Variants in TMEM117 observed in about 807,000 individuals in gnomAD.
The protein encoded by TMEM117 is transmembrane protein 117.
In TMEM117, 27 loss-of-function variants were observed where a neutral mutation model predicts 52.4. The observed-to-expected ratio is 0.51, with a 90% confidence interval of 0.38 to 0.71. TMEM117 has a LOEUF of 0.71. Among genes scored for constraint, TMEM117 ranks in the 30% least tolerant of loss-of-function variants. TMEM117 has a pLI of 0.00. For missense variants in TMEM117, 556 were observed against 630.5 expected (o/e 0.88, Z 1.26); for synonymous variants, 215 against 206.3 (o/e 1.04, Z -0.36).
intron 3 of TMEM117, among the ~76,000 whole-genome samples, chr12:44,087,016 A>C (rs1014303259): frequency 1.4e-5 from 2 of 147,852 alleles, no homozygotes; most frequent in Non-Finnish European, 3.0e-5. Context: ...GTATTATATA[A>C]TTAATAATTA....
At chr12:44,117,056 T>C (rs1387406540) in intron 3 of TMEM117, among the ~76,000 whole-genome samples, 1 of 152,226 alleles carries the variant, frequency 6.6e-6, no homozygotes, top group African/African-American at 2.4e-5. Flanking sequence ...CTCTCCCTTG[T>C]ACTTGGCTCT....
At chr12:44,081,918 A>T (rs1592500327) in intron 3 of TMEM117, among the ~76,000 whole-genome samples, 1 of 152,062 alleles carries the variant, frequency 6.6e-6, no homozygotes, top group East Asian at 1.9e-4. Flanking sequence ...AGAGAGTTTA[A>T]CTGTATAAAT....
At chr12:43,926,418 A>T (rs992326396) in intron 2 of TMEM117, among the ~76,000 whole-genome samples, 2 of 152,204 alleles carry the variant, frequency 1.3e-5, no homozygotes, top group African/African-American at 4.8e-5. Context: ...AAACATTTTC[A>T]TAAGCTAGGG....
At chr12:43,917,858 C>T (rs990162928) in intron 2 of TMEM117, among the ~76,000 whole-genome samples, 4 of 152,226 alleles carry the variant, frequency 2.6e-5, no homozygotes, top group Admixed American at 2.0e-4. Flanking sequence ...CCCTCTTGCA[C>T]AGACTTGGGT....
the TMEM117 span, chr12:43,799,635 C>T: frequency 7.8e-6 from 4 of 512,326 alleles, no homozygotes; most frequent in African/African-American, 5.9e-5. Context: ...ATTTTAATAT[C>T]TTTTTACTTT....
rs557252020 is a variant in TMEM117, at chr12:44,323,766, T to A, written c.768+24027T>A. Among the ~76,000 whole-genome samples the A allele has an allele frequency of 3.3e-5, 5 of 152,306 alleles. No homozygotes were observed. The East Asian group carries it at 9.6e-4, about 29-fold the overall frequency. On this transcript the variant is annotated intron_variant, in intron 6 of 7. Coordinates refer to ENST00000266534, the MANE Select transcript of TMEM117 (RefSeq NM_032256.3). ...TTACCTTATCCCAAACTTACATTAC[T>A]ACGGTGTGTCCCACTTTGTGGTACT... is the stretch of plus-strand genomic sequence containing the variant.
chr12:44,038,339 G>T (rs539489398), intron 3 of TMEM117, among the ~76,000 whole-genome samples: 1 of 152,266 alleles, frequency 6.6e-6, no homozygotes, highest in South Asian at 2.1e-4. Flanking sequence ...GCTTCTGGGT[G>T]CCATTGTGTT....
chr12:44,299,659 G>A lies in TMEM117; in HGVS notation c.688G>A (p.Gly230Arg), dbSNP rs1950814384. 5 of 1,614,008 alleles carry A rather than the reference G, an allele frequency of 3.1e-6. No individual in the cohort carries two copies. Among genetic ancestry groups the A allele is most frequent in the Non-Finnish European group, 2.5e-6 (3 of 1,180,028 alleles). ...GATCAGCTGGGACAAGCTGAATCGG[G>A]GATTTTTGCCCAGTGATGAAGTTTC... ...DWISWDKLNR[G>R]FLPSDEVSRA... The change falls in exon 6 of 8, where the codon GGA (glycine) becomes AGA (arginine). Residue 230 changes from glycine (G) to arginine (R), a missense_variant. Coordinates refer to ENST00000266534, the MANE Select transcript of TMEM117 (RefSeq NM_032256.3).
At chr12:43,970,340 G>C (rs1391150698) in intron 3 of TMEM117, among the ~76,000 whole-genome samples, 1 of 151,658 alleles carries the variant, frequency 6.6e-6, no homozygotes, top group African/African-American at 2.4e-5. Flanking sequence ...CCAGGCTGGA[G>C]TGCAGTGGCT....
intron 3 of TMEM117, chr12:44,010,270 A>G (rs1288443683): frequency 2.2e-6 from 1 of 457,140 alleles, no homozygotes; most frequent in East Asian, 6.9e-5. Flanking sequence ...GCACTTCAGT[A>G]AGCTCTGGCT....
chr12:44,356,052 A>G (rs927610611), intron 6 of TMEM117, among the ~76,000 whole-genome samples: 7 of 152,118 alleles, frequency 4.6e-5, no homozygotes, highest in African/African-American at 1.4e-4. Flanking sequence ...GCCACATGGT[A>G]AAAGAGAGAA....
chr12:44,058,143 AT>A (rs113163881), intron 3 of TMEM117, among the ~76,000 whole-genome samples: 14,722 of 149,630 alleles, frequency 0.098, 1,052 homozygotes, highest in African/African-American at 0.2. Flanking sequence ...TAGAAAATAG[AT>A]TTTTTTTTTT....
At chr12:44,396,895 T>C in the TMEM117 span, among the ~76,000 whole-genome samples, 3 of 151,698 alleles carry the variant, frequency 2.0e-5, no homozygotes, top group Non-Finnish European at 4.4e-5. Context: ...GACTCATTTA[T>C]GTAGCATAAT....
At chr12:44,262,828 C>A (rs1950335717) in intron 5 of TMEM117, among the ~76,000 whole-genome samples, 2 of 152,182 alleles carry the variant, frequency 1.3e-5, no homozygotes, top group Admixed American at 1.3e-4. Flanking sequence ...ACTTCGTGAT[C>A]CACCCGCCTC....
At chr12:44,266,475 C>T (rs1463406308) in intron 5 of TMEM117, among the ~76,000 whole-genome samples, 1 of 151,876 alleles carries the variant, frequency 6.6e-6, no homozygotes, top group Non-Finnish European at 1.5e-5. Flanking sequence ...GGTTATTTGT[C>T]TTTTTATGGT....
intron 5 of TMEM117, among the ~76,000 whole-genome samples, chr12:44,229,433 A>T (rs1222072450): frequency 6.6e-6 from 1 of 152,094 alleles, no homozygotes; most frequent in African/African-American, 2.4e-5. Context: ...ACCTCCCATT[A>T]GTTGAGATGT....
intron 7 of TMEM117, among the ~76,000 whole-genome samples, chr12:44,381,732 G>A (rs886359922): frequency 6.6e-6 from 1 of 152,156 alleles, no homozygotes; most frequent in Non-Finnish European, 1.5e-5. Context: ...ACAATGGTGA[G>A]AATGTGGAAA....
At chr12:44,325,820 C>T (rs532658658) in intron 6 of TMEM117, among the ~76,000 whole-genome samples, 1 of 152,116 alleles carries the variant, frequency 6.6e-6, no homozygotes, top group South Asian at 2.1e-4. Flanking sequence ...GAACACTGCT[C>T]ATAGAAAATT....
At chr12:44,316,008 C>T (rs901387234) in intron 6 of TMEM117, among the ~76,000 whole-genome samples, 1 of 152,088 alleles carries the variant, frequency 6.6e-6, no homozygotes, top group Middle Eastern at 3.2e-3. Flanking sequence ...AGGAGACAGA[C>T]TTTTTAATCC....
Sources: gnomAD v4.1 joint callset for allele counts (sites outside exome capture counted in the v4.1 genomes callset) on GRCh38, gnomAD v4.1.1 for gene constraint, MANE v1.5 for transcripts, NCBI Gene and HGNC (gene_info 2026-07-23, HGNC 2026-07-21) for gene names.